MDGA2: variants seen among roughly 807,000 people sequenced by gnomAD.
MDGA2 encodes the protein MAM domain containing glycosylphosphatidylinositol anchor 2, also known as MAM domain-containing glycosylphosphatidylinositol anchor protein 2.
Under a neutral mutation model 117.8 loss-of-function variants are expected in MDGA2, and 40 were observed. The ratio of observed to expected loss-of-function variants is 0.34; its 90% CI spans 0.26 to 0.44. The LOEUF is 0.44. Among genes scored for constraint, MDGA2 ranks in the 20% least tolerant of loss-of-function variants. The pLI is 1.00. For synonymous variants in MDGA2, 452 were observed against 439.0 expected (o/e 1.03, Z -0.37); for missense variants, 1,123 against 1,250.6 (o/e 0.90, Z 1.54).
chr14:47,063,088 C>T (rs558090210), intron 6 of MDGA2, among the ~76,000 whole-genome samples: 1 of 152,148 alleles, frequency 6.6e-6, no homozygotes, highest in Non-Finnish European at 1.5e-5. Flanking sequence ...TAGAGGCCAA[C>T]TTATTCACAC....
chr14:47,605,700 G>A (rs770639707), intron 1 of MDGA2, among the ~76,000 whole-genome samples: 2 of 152,066 alleles, frequency 1.3e-5, no homozygotes, highest in African/African-American at 2.4e-5. Flanking sequence ...TCTGAAGGAC[G>A]TTTGTGGAAT....
chr14:46,947,416 A>G (rs1885210205), intron 9 of MDGA2, among the ~76,000 whole-genome samples: 3 of 151,924 alleles, frequency 2.0e-5, no homozygotes, highest in Non-Finnish European at 2.9e-5. Flanking sequence ...TTTCCCCCCA[A>G]CATATTGTTG....
At chr14:46,960,108 C>G (rs1193896940) in intron 8 of MDGA2, among the ~76,000 whole-genome samples, 1 of 151,872 alleles carries the variant, frequency 6.6e-6, no homozygotes, top group Non-Finnish European at 1.5e-5. Context: ...GTAGCCCCAG[C>G]TACTTGGGAG....
chr14:46,843,909 A>G (rs1336573690), intron 16 of MDGA2, among the ~76,000 whole-genome samples: 1 of 152,196 alleles, frequency 6.6e-6, no homozygotes, highest in Non-Finnish European at 1.5e-5. Context: ...TATGACCACA[A>G]AATAAAAGAT....
chr14:47,402,931 T>C (rs1324801975), intron 1 of MDGA2, among the ~76,000 whole-genome samples: 2 of 152,182 alleles, frequency 1.3e-5, no homozygotes, highest in Admixed American at 6.5e-5. Context: ...CTCCACCTTT[T>C]CATCTCTTCA....
chr14:46,895,232 A>T (rs1451148038), intron 10 of MDGA2, among the ~76,000 whole-genome samples: 2 of 152,110 alleles, frequency 1.3e-5, no homozygotes, highest in Admixed American at 1.3e-4. Context: ...TTACCCCCAT[A>T]CTGCTGTTCT....
intron 1 of MDGA2, among the ~76,000 whole-genome samples, chr14:47,572,369 G>A (rs1437995912): frequency 6.6e-6 from 1 of 152,136 alleles, no homozygotes; most frequent in Non-Finnish European, 1.5e-5. Flanking sequence ...TTAACTGCTA[G>A]CTGTACATCT....
chr14:47,612,668 C>T (rs554331686), intron 1 of MDGA2, among the ~76,000 whole-genome samples: 8 of 152,122 alleles, frequency 5.3e-5, no homozygotes, highest in African/African-American at 1.4e-4. Context: ...AGCAATTTGC[C>T]GCTGTTGGTA....
At position 47,469,401 on chromosome 14, in the gene MDGA2, G is replaced by A. The variant is rs532075670; in HGVS notation, c.281-167851C>T. Among the ~76,000 whole-genome samples, 299 of 152,116 alleles carry A rather than the reference G, an allele frequency of 2.0e-3. 2 individuals carry two copies. The highest frequency in any genetic ancestry group is 6.9e-3 in the African/African-American group (286 of 41,478). On this transcript the variant is annotated intron_variant, in intron 1 of 16. Transcript: ENST00000399232. ...TTCCCACCTATGAGTGAGAATATGC[G>A]GTGTTTGGTTTTTTGTCCTTGCAAT...
Position 46,884,872 on chromosome 14 carries a change from A to C in MDGA2, c.2239-2651T>G, listed in dbSNP as rs1882611329. Among the ~76,000 whole-genome samples, 4 of 151,444 alleles carry C rather than the reference A, an allele frequency of 2.6e-5. No homozygotes were observed. In the South Asian group the frequency reaches 8.3e-4, roughly 32 times the overall value. ...TTCTTTTTTGTTTTTTTTCTGAGAC[A>C]GTCTCGCTCTGTCACCTAGGCTGGA... On this transcript the variant is annotated intron_variant, in intron 10 of 16. Coordinates refer to ENST00000399232, the MANE Select transcript of MDGA2 (RefSeq NM_001113498.3). This position sits in a 1 kb window ranked among gnomAD's most constrained non-coding sequence, Gnocchi z 4.1.
rs771987603 is a variant in MDGA2, at chr14:47,244,704, A to G, written c.421-26509T>C. Among the ~76,000 whole-genome samples, 39 of 151,818 alleles carry G rather than the reference A, an allele frequency of 2.6e-4. 1 individual carries two copies. Among genetic ancestry groups the G allele is most frequent in the Middle Eastern group, 3.2e-3 (1 of 316 alleles). On this transcript the variant is annotated intron_variant, in intron 2 of 16. Coordinates refer to ENST00000399232, the MANE Select transcript of MDGA2 (RefSeq NM_001113498.3). ...TACACAGACCAGCTGGTATTTTTCAATGACATGACATCTTGATTAAAGGTG... is the reference window on the plus strand; with the variant it reads ...TACACAGACCAGCTGGTATTTTTCAGTGACATGACATCTTGATTAAAGGTG...
At chr14:47,098,951 A>C (rs1880143527) in intron 5 of MDGA2, among the ~76,000 whole-genome samples, 1 of 151,962 alleles carries the variant, frequency 6.6e-6, no homozygotes, top group Non-Finnish European at 1.5e-5. Flanking sequence ...AAGCTCAAAA[A>C]ATAATGCATA....
At chr14:47,054,973 G>A (rs1889617386) in intron 7 of MDGA2, among the ~76,000 whole-genome samples, 1 of 143,002 alleles carries the variant, frequency 7.0e-6, no homozygotes, top group African/African-American at 2.6e-5. Context: ...AATATTGCTT[G>A]TCCCCGTTGT....
chr14:47,631,204 T>G (rs1432997317), intron 1 of MDGA2, among the ~76,000 whole-genome samples: 1 of 152,164 alleles, frequency 6.6e-6, no homozygotes, highest in Admixed American at 6.5e-5. Context: ...CTGGAGCATT[T>G]AAATAATCTT....
At chr14:46,984,790 A>T (rs1267939361) in intron 8 of MDGA2, among the ~76,000 whole-genome samples, 1 of 152,080 alleles carries the variant, frequency 6.6e-6, no homozygotes, top group South Asian at 2.1e-4. Context: ...AAGAAAAAAT[A>T]CAAAATTTAT....
chr14:47,095,633 T>C (rs1461720330), intron 6 of MDGA2, among the ~76,000 whole-genome samples: 1 of 147,928 alleles, frequency 6.8e-6, no homozygotes, highest in Admixed American at 6.6e-5. Context: ...ATGTTATACA[T>C]GTACATATGT....
chr14:47,056,135 A>T (rs1030255211), intron 7 of MDGA2, among the ~76,000 whole-genome samples: 11 of 152,134 alleles, frequency 7.2e-5, no homozygotes, highest in Non-Finnish European at 1.6e-4. Flanking sequence ...CTTCAGTTTT[A>T]ATCAGCAGAA....
intron 1 of MDGA2, among the ~76,000 whole-genome samples, chr14:47,637,962 G>A (rs969749462): frequency 2.6e-5 from 4 of 152,150 alleles, no homozygotes; most frequent in African/African-American, 9.7e-5. Context: ...TTTGCTTACT[G>A]TCTCCTTTGC....
At chr14:47,160,565 C>T (rs1883592441) in intron 3 of MDGA2, among the ~76,000 whole-genome samples, 1 of 152,060 alleles carries the variant, frequency 6.6e-6, no homozygotes, top group African/African-American at 2.4e-5. Flanking sequence ...GAGGCTGAAG[C>T]AAGAGAATCA....
Sources: allele counts gnomAD v4.1 joint callset (sites outside exome capture counted in the v4.1 genomes callset), GRCh38; gene constraint gnomAD v4.1.1; non-coding constraint Gnocchi (gnomAD v3.1); transcripts MANE v1.5; gene names NCBI Gene and HGNC (gene_info 2026-07-23, HGNC 2026-07-21).